The following SHISA9 variants were observed in gnomAD, a reference collection of about 807,000 sequenced individuals.
SHISA9 encodes the protein protein shisa-9.
SHISA9 carries 13 observed loss-of-function variants against 38.0 expected under a neutral mutation model. The observed-to-expected ratio is 0.34, with a 90% CI of 0.22 to 0.54. SHISA9 has a LOEUF of 0.54. SHISA9 is among the 20% of genes least tolerant of loss of function. SHISA9 has a pLI of 0.91. For missense variants in SHISA9, 538 were observed against 575.8 expected, an observed-to-expected ratio of 0.93 and a Z score of 0.67; for synonymous variants, 275 against 242.0, an observed-to-expected ratio of 1.14 and a Z score of -1.27.
intron 2 of SHISA9, among the ~76,000 whole-genome samples, chr16:13,080,355 A>ACTCT (rs1277401768): frequency 9.8e-5 from 15 of 152,350 alleles, no homozygotes; most frequent in African/African-American, 3.6e-4. Flanking sequence ...CCTGGGCGAT[A>ACTCT]GAGTGAGACT....
At chr16:13,473,349 C>CTTTTTTTTTTTTTTT in the SHISA9 span, among the ~76,000 whole-genome samples, 2 of 73,904 alleles carry the variant, frequency 2.7e-5, no homozygotes, top group African/African-American at 1.0e-4. Flanking sequence ...TTCTTTCTTT[C>CTTTTTTTTTTTTTTT]TTTTTTTTTT....
At chr16:12,981,804 T>A (rs975755509) in intron 2 of SHISA9, among the ~76,000 whole-genome samples, 2 of 152,050 alleles carry the variant, frequency 1.3e-5, no homozygotes, top group Non-Finnish European at 2.9e-5. Flanking sequence ...ATGACTGGTA[T>A]CCTTATAAGA....
At chr16:13,313,633 T>G in the SHISA9 span, among the ~76,000 whole-genome samples, 1 of 152,188 alleles carries the variant, frequency 6.6e-6, no homozygotes, top group African/African-American at 2.4e-5. Context: ...AAAGGAAACA[T>G]TGTTTATGAA....
chr16:13,552,378 G>A, the SHISA9 span, among the ~76,000 whole-genome samples: 274 of 151,882 alleles, frequency 1.8e-3, 3 homozygotes, highest in Non-Finnish European at 2.6e-4. Flanking sequence ...TCTATGTTCC[G>A]TTTGTATTTT....
the SHISA9 span, among the ~76,000 whole-genome samples, chr16:13,504,100 T>G: frequency 6.6e-6 from 1 of 152,178 alleles, no homozygotes; most frequent in South Asian, 2.1e-4. Flanking sequence ...GTGCAACATA[T>G]TCAGGTTTGG....
At chr16:13,428,356 A>C in the SHISA9 span, among the ~76,000 whole-genome samples, 3 of 152,210 alleles carry the variant, frequency 2.0e-5, no homozygotes, top group African/African-American at 7.2e-5. Flanking sequence ...CCTTGGCAGA[A>C]TTTCATCAGT....
the SHISA9 span, chr16:13,458,484 A>C: frequency 2.5e-6 from 1 of 392,940 alleles, no homozygotes; most frequent in Non-Finnish European, 5.0e-6. Flanking sequence ...ATTTACAGCT[A>C]GAAATTGGTA....
At chr16:13,391,466 C>G in the SHISA9 span, among the ~76,000 whole-genome samples, 4 of 152,174 alleles carry the variant, frequency 2.6e-5, no homozygotes, top group Non-Finnish European at 5.9e-5. Context: ...AAGTATTATA[C>G]TTGGAAGCAG....
chr16:13,210,872 C>G (rs1299187793), intron 3 of SHISA9, among the ~76,000 whole-genome samples: 2 of 152,192 alleles, frequency 1.3e-5, no homozygotes, highest in African/African-American at 4.8e-5. Flanking sequence ...TGAAACTATG[C>G]TGTCTTCTGC....
At chr16:12,987,236 C>T (rs2141828798) in intron 2 of SHISA9, among the ~76,000 whole-genome samples, 1 of 152,242 alleles carries the variant, frequency 6.6e-6, no homozygotes, top group Non-Finnish European at 1.5e-5. Context: ...GGGTAAATTC[C>T]ACTCTGAGAA....
chr16:13,221,378 G>A lies in SHISA9; in HGVS notation c.895+8078G>A, dbSNP rs566620881. 5.3e-5 allele frequency among the ~76,000 whole-genome samples: 8 copies of A among 151,064 alleles called. No homozygotes were observed. In the East Asian group the frequency reaches 1.2e-3, roughly 22 times the overall value. On this transcript the variant is annotated intron_variant, in intron 4 of 4. Coordinates refer to ENST00000558583, the MANE Select transcript of SHISA9 (RefSeq NM_001145204.3). ...TTTCTTGTTTCTGTCTGCTGAGACA[G>A]CCTCTGGAATCTGCACAACTTTATA...
the SHISA9 span, among the ~76,000 whole-genome samples, chr16:13,348,699 A>G: frequency 6.6e-6 from 1 of 151,930 alleles, no homozygotes; most frequent in East Asian, 2.0e-4. Flanking sequence ...AATCATTGTG[A>G]TCAGCTCTAG....
intron 2 of SHISA9, among the ~76,000 whole-genome samples, chr16:12,987,059 C>T (rs893861143): frequency 4.6e-5 from 7 of 152,096 alleles, no homozygotes; most frequent in Non-Finnish European, 7.3e-5. Context: ...CAGTATCTGC[C>T]GAGGAACTGG....
At chr16:12,988,938 A>G (rs1344109492) in intron 2 of SHISA9, among the ~76,000 whole-genome samples, 1 of 152,218 alleles carries the variant, frequency 6.6e-6, no homozygotes, top group Non-Finnish European at 1.5e-5. Context: ...CACCTTGCTA[A>G]GCATTTTATT....
chr16:13,309,887 T>A, the SHISA9 span, among the ~76,000 whole-genome samples: 1 of 151,912 alleles, frequency 6.6e-6, no homozygotes, highest in Admixed American at 6.6e-5. Flanking sequence ...TCTATTTATT[T>A]ATTTATTTAT....
At chr16:13,463,511 G>A in the SHISA9 span, among the ~76,000 whole-genome samples, 3 of 152,182 alleles carry the variant, frequency 2.0e-5, no homozygotes, top group African/African-American at 7.2e-5. Context: ...CAGAAATGAA[G>A]GAATTAAACG....
chr16:13,311,330 C>A, the SHISA9 span, among the ~76,000 whole-genome samples: 5 of 152,076 alleles, frequency 3.3e-5, 1 homozygote, highest in Non-Finnish European at 2.9e-5. Context: ...GTTCATCCTA[C>A]GCAATAACTG....
At chr16:13,162,064 G>A (rs530040278) in intron 2 of SHISA9, among the ~76,000 whole-genome samples, 18 of 152,268 alleles carry the variant, frequency 1.2e-4, no homozygotes, top group African/African-American at 4.3e-4. Context: ...AATGGCAGAG[G>A]TGGACCTAGG....
chr16:13,102,200 A>T (rs2073885365), intron 2 of SHISA9, among the ~76,000 whole-genome samples: 1 of 152,200 alleles, frequency 6.6e-6, no homozygotes, highest in Admixed American at 6.5e-5. Context: ...CAACCCTAGG[A>T]CTAGAATGCC....
Sources: gnomAD v4.1 joint callset for allele counts (sites outside exome capture counted in the v4.1 genomes callset) on GRCh38, gnomAD v4.1.1 for gene constraint, MANE v1.5 for transcripts, NCBI Gene and HGNC (gene_info 2026-07-23, HGNC 2026-07-21) for gene names.